RFTN1: variants seen among roughly 807,000 people sequenced by gnomAD.
RFTN1 encodes the protein raftlin.
In RFTN1, 26 loss-of-function variants were observed where a neutral mutation model predicts 46.5. The ratio of observed to expected loss-of-function variants is 0.56; its 90% confidence interval spans 0.41 to 0.78. RFTN1 has a LOEUF of 0.78. Among genes scored for constraint, RFTN1 ranks in the 30% least tolerant of loss-of-function variants. The pLI, the probability that RFTN1 is intolerant of heterozygous loss-of-function variation, is 0.00. For synonymous variants in RFTN1, 261 were observed against 284.2 expected, an observed-to-expected ratio of 0.92 and a Z score of 0.82; for missense variants, 693 against 718.7, an observed-to-expected ratio of 0.96 and a Z score of 0.41.
At position 16,411,751 on chromosome 3, in the gene RFTN1, G is replaced by C. The variant is rs557409966; in HGVS notation, c.333-2268C>G. Among the ~76,000 whole-genome samples, 7 of 152,242 alleles carry C rather than the reference G, an allele frequency of 4.6e-5. No individual in the cohort carries two copies. The South Asian group carries it at 1.5e-3, about 32-fold the overall frequency. On this transcript the variant is annotated intron_variant, in intron 3 of 9. Coordinates refer to ENST00000334133, the MANE Select transcript of RFTN1 (RefSeq NM_015150.2). ...AACAAAAATCAGGATGAGGGAGAGGGGGTTCTAAAATCTAAAATCCAGCTG... is the reference window on the plus strand; with the variant it reads ...AACAAAAATCAGGATGAGGGAGAGGCGGTTCTAAAATCTAAAATCCAGCTG...
Position 16,381,212 on chromosome 3 carries a change from C to G in RFTN1, c.442-3110G>C, listed in dbSNP as rs112991001. 7.5e-3 allele frequency among the ~76,000 whole-genome samples: 1,146 copies of G among 152,216 alleles called. 4 individuals are homozygous for G. Among genetic ancestry groups the G allele is most frequent in the Non-Finnish European group, 0.011 (722 of 68,002 alleles). ...CATAAACTATGCATAAAAACAGTCA[C>G]CAAAATGAAAACAGCACTGTATTTG... On this transcript the variant is annotated intron_variant, in intron 4 of 9. Transcript: ENST00000334133. The surrounding 1 kb of genome is among the most constrained non-coding windows in gnomAD (Gnocchi z 4.2).
rs1421795336 is a variant in RFTN1 at position 16,387,452 on chromosome 3, GT to G, written c.442-9351del. ...GTCCTCTTCTGGCCCTCCACTCTTT[GT>G]CCCCAGCATCGGTGTGACCCGGTTA... On this transcript the variant is annotated intron_variant, in intron 4 of 9. Coordinates refer to ENST00000334133, the MANE Select transcript of RFTN1 (RefSeq NM_015150.2). The surrounding 1 kb of genome is among the most constrained non-coding windows in gnomAD (Gnocchi z 5.2). Among the ~76,000 whole-genome samples the G allele has an allele frequency of 6.6e-6, 1 of 152,012 alleles. No individual in the cohort carries two copies. The highest frequency in any genetic ancestry group is 1.5e-5 in the Non-Finnish European group (1 of 68,012).
chr3:16,409,753 C>T (rs1235595565), intron 3 of RFTN1, among the ~76,000 whole-genome samples: 1 of 147,206 alleles, frequency 6.8e-6, no homozygotes, highest in Non-Finnish European at 1.5e-5. Flanking sequence ...GGCGTGATCT[C>T]GGCTCACTGC....
intron 6 of RFTN1, among the ~76,000 whole-genome samples, chr3:16,368,924 C>T (rs1325369912): frequency 2.0e-5 from 3 of 152,234 alleles, no homozygotes; most frequent in African/African-American, 7.2e-5. Context: ...TTCTATTGGA[C>T]AGCCCTGCTC....
intron 7 of RFTN1, among the ~76,000 whole-genome samples, chr3:16,354,470 A>G (rs1440155551): frequency 6.6e-6 from 1 of 152,242 alleles, no homozygotes; most frequent in Non-Finnish European, 1.5e-5. Context: ...GCCTGAAGGT[A>G]CTGAGGATGC....
chr3:16,495,944 G>C (rs182339690), intron 1 of RFTN1, among the ~76,000 whole-genome samples: 1 of 152,320 alleles, frequency 6.6e-6, no homozygotes, highest in African/African-American at 2.4e-5. Flanking sequence ...TGATTAGTTA[G>C]CCATGTAAAC....
At chr3:16,388,496 C>G (rs1414208002) in intron 4 of RFTN1, among the ~76,000 whole-genome samples, 1 of 152,200 alleles carries the variant, frequency 6.6e-6, no homozygotes, top group Non-Finnish European at 1.5e-5. Context: ...ATTTGAGATT[C>G]AGAAAACTTG....
At chr3:16,332,716 T>C (rs1433984514) in intron 7 of RFTN1, among the ~76,000 whole-genome samples, 1 of 152,238 alleles carries the variant, frequency 6.6e-6, no homozygotes, top group African/African-American at 2.4e-5. Context: ...TGTAGCTTCC[T>C]TCATTTTGCT....
Position 16,348,571 on chromosome 3 carries a change from G to A in RFTN1, c.1146+9361C>T, listed in dbSNP as rs12633789. Among the ~76,000 whole-genome samples, 14,887 of 152,092 alleles carry A rather than the reference G, an allele frequency of 0.098. 741 individuals are homozygous for A. Among genetic ancestry groups the A allele is most frequent in the Admixed American group, 0.13 (2,050 of 15,276 alleles). ...ACTTCTGGTCAGCAGGGCACAATTA[G>A]CCTTGAATGCCTTCCCATTTCCTTT... On this transcript the variant is annotated intron_variant, in intron 7 of 9. Transcript: ENST00000334133. This position sits in a 1 kb window ranked among gnomAD's most constrained non-coding sequence, Gnocchi z 6.3.
chr3:16,410,866 G>T lies in RFTN1; in HGVS notation c.333-1383C>A, dbSNP rs1422875201. ...TCCACCACTTCACAGCCATTCACAG[G>T]CAGGGCTCCTGTATGACACTAGAGT... On this transcript the variant is annotated intron_variant, in intron 3 of 9. Coordinates refer to ENST00000334133, the MANE Select transcript of RFTN1 (RefSeq NM_015150.2). The surrounding 1 kb of genome is among the most constrained non-coding windows in gnomAD (Gnocchi z 4.6). Among the ~76,000 whole-genome samples, 1 of 152,228 alleles carries T rather than the reference G, an allele frequency of 6.6e-6. No homozygotes were observed. The highest frequency in any genetic ancestry group is 1.5e-5 in the Non-Finnish European group (1 of 68,036).
At chr3:16,325,154 C>G (rs2069570355) in intron 8 of RFTN1, among the ~76,000 whole-genome samples, 1 of 152,204 alleles carries the variant, frequency 6.6e-6, no homozygotes, top group Non-Finnish European at 1.5e-5. Flanking sequence ...TGTGTAGCGG[C>G]TAGGCTGGGT....
chr3:16,404,787 C>T (rs146537343), intron 4 of RFTN1, among the ~76,000 whole-genome samples: 96 of 152,216 alleles, frequency 6.3e-4, no homozygotes, highest in Middle Eastern at 3.4e-3. Context: ...AGCCAAAGAA[C>T]CTTCTGGCCA....
intron 2 of RFTN1, among the ~76,000 whole-genome samples, chr3:16,453,564 G>T (rs2124911803): frequency 6.6e-6 from 1 of 152,296 alleles, no homozygotes; most frequent in Middle Eastern, 3.4e-3. Flanking sequence ...GGTTTTCTTT[G>T]AAAGGTTGAT....
rs979036452 is a variant in RFTN1 at position 16,429,244 on chromosome 3, A to T, written c.332+4607T>A. ...TTCAGGGATGTAAGTGAAATCTGTCAAAATGGCAGTGAGCTCAGAGGAATG... is the reference window on the plus strand; with the variant it reads ...TTCAGGGATGTAAGTGAAATCTGTCTAAATGGCAGTGAGCTCAGAGGAATG... On this transcript the variant is annotated intron_variant, in intron 3 of 9. Coordinates refer to ENST00000334133, the MANE Select transcript of RFTN1 (RefSeq NM_015150.2). This position sits in a 1 kb window ranked among gnomAD's most constrained non-coding sequence, Gnocchi z 6.4. 8.5e-5 allele frequency among the ~76,000 whole-genome samples: 13 copies of T among 152,226 alleles called. No individual in the cohort carries two copies. Among genetic ancestry groups the T allele is most frequent in the African/African-American group, 3.1e-4 (13 of 41,454 alleles).
At position 16,337,740 on chromosome 3, in the gene RFTN1, C is replaced by CAAA. The variant is rs5846920; in HGVS notation, c.1147-10867_1147-10865dup. ...CTGGCGACAGAGCGAGACTCCATCTCAAAAAAAAAAAAAAAAAGAAAAGAA... is the reference window on the plus strand; with the variant it reads ...CTGGCGACAGAGCGAGACTCCATCTCAAAAAAAAAAAAAAAAAAAAGAAAAGAA... On this transcript the variant is annotated intron_variant, in intron 7 of 9. Transcript: ENST00000334133. This position sits in a 1 kb window ranked among gnomAD's most constrained non-coding sequence, Gnocchi z 5.0. Among the ~76,000 whole-genome samples, 1 of 95,174 alleles carries CAAA rather than the reference C, an allele frequency of 1.1e-5. No individual in the cohort carries two copies. The highest frequency in any genetic ancestry group is 1.1e-4 in the Admixed American group (1 of 8,864). 62.4% of individuals were successfully genotyped at this position (95,174 alleles called of 152,430 possible). A position where few individuals can be genotyped will look rare whatever the true frequency, so the allele number is the denominator to read the frequency against.
chr3:16,362,698 C>T (rs771524047), intron 6 of RFTN1, among the ~76,000 whole-genome samples: 4 of 152,228 alleles, frequency 2.6e-5, no homozygotes, highest in Non-Finnish European at 5.9e-5. Flanking sequence ...ACATACAGAT[C>T]TTCTCAATGG....
At position 16,504,002 on chromosome 3, in the gene RFTN1, C is replaced by T. The variant is rs374925705; in HGVS notation, c.-9+9440G>A. On this transcript the variant is annotated intron_variant, in intron 1 of 9. Coordinates refer to ENST00000334133, the MANE Select transcript of RFTN1 (RefSeq NM_015150.2). This position sits in a 1 kb window ranked among gnomAD's most constrained non-coding sequence, Gnocchi z 4.4. The stretch of plus-strand genomic sequence containing the variant: ...ATTCCCTGTCTCCCTATCTTTCTAT[C>T]CCTGCGTGTACTCTTTTACAATCTA... 6.6e-6 allele frequency among the ~76,000 whole-genome samples: 1 copy of T among 152,166 alleles called. No individual in the cohort carries two copies. Among genetic ancestry groups the T allele is most frequent in the Non-Finnish European group, 1.5e-5 (1 of 68,030 alleles).
rs1328082750 is a variant in RFTN1, at chr3:16,342,113, G to C, written c.1147-15237C>G. On this transcript the variant is annotated intron_variant, in intron 7 of 9. Coordinates refer to ENST00000334133, the MANE Select transcript of RFTN1 (RefSeq NM_015150.2). This position sits in a 1 kb window ranked among gnomAD's most constrained non-coding sequence, Gnocchi z 4.0. ...TTCAGTGGTTTATAATATATTCAGA[G>C]TTATACAACCATCACCACAATCTAA... Among the ~76,000 whole-genome samples the C allele has an allele frequency of 6.6e-6, 1 of 152,060 alleles. No homozygotes were observed. Among genetic ancestry groups the C allele is most frequent in the African/African-American group, 2.4e-5 (1 of 41,398 alleles).
At position 16,506,098 on chromosome 3, in the gene RFTN1, G is replaced by C. The variant is rs140215525; in HGVS notation, c.-9+7344C>G. ...TGCCAACTAGAAAACAACAATGCAGGGGGGAGGGATAGCAATCACAGGAGG... is the reference window on the plus strand; with the variant it reads ...TGCCAACTAGAAAACAACAATGCAGCGGGGAGGGATAGCAATCACAGGAGG... On this transcript the variant is annotated intron_variant, in intron 1 of 9. Transcript: ENST00000334133. The surrounding 1 kb of genome is among the most constrained non-coding windows in gnomAD (Gnocchi z 4.8). Among the ~76,000 whole-genome samples, 9 of 152,294 alleles carry C rather than the reference G, an allele frequency of 5.9e-5. No homozygotes were observed. Among genetic ancestry groups the C allele is most frequent in the South Asian group, 2.1e-4 (1 of 4,826 alleles).
Sources: allele counts gnomAD v4.1 joint callset (sites outside exome capture counted in the v4.1 genomes callset), GRCh38; gene constraint gnomAD v4.1.1; non-coding constraint Gnocchi (gnomAD v3.1); transcripts MANE v1.5; gene names NCBI Gene and HGNC (gene_info 2026-07-23, HGNC 2026-07-21).